CDC42BPB: variants seen among roughly 807,000 people sequenced by gnomAD.
CDC42BPB encodes the protein serine/threonine-protein kinase MRCK beta.
CDC42BPB carries 37 observed loss-of-function variants against 214.9 expected under a neutral mutation model. The observed-to-expected ratio is 0.17, with a 90% CI of 0.13 to 0.23. The LOEUF is 0.23. Ranked by LOEUF, CDC42BPB falls within the 10% of genes least tolerant of loss-of-function variation. The pLI is 1.00. For synonymous variants in CDC42BPB, 931 were observed against 884.0 expected, an observed-to-expected ratio of 1.05 and a Z score of -0.94; for missense variants, 1,694 against 2,227.0, an observed-to-expected ratio of 0.76 and a Z score of 4.82.
chr14:102,945,187 G>A, intron 29 of CDC42BPB: 1 of 454,452 alleles, frequency 2.2e-6, no homozygotes, highest in Non-Finnish European at 4.4e-6. Context: ...AAATGTCGCT[G>A]GATTCCTTGA....
At position 102,963,165 on chromosome 14, in the gene CDC42BPB, A is replaced by G; in HGVS notation, c.2727-10T>C. On this transcript the variant is annotated splice_polypyrimidine_tract_variant and intron_variant, in intron 19 of 36. Coordinates refer to ENST00000361246, the MANE Select transcript of CDC42BPB (RefSeq NM_006035.4). ...GGAATCCTTTAGTTTGCTAAAATAA[A>G]AAATAAATGGCTTTAAGTGCACTGA... The G allele has an allele frequency of 6.3e-7, 1 of 1,583,262 alleles. No individual in the cohort carries two copies. Among genetic ancestry groups the G allele is most frequent in the African/African-American group, 1.3e-5 (1 of 74,214 alleles).
At chr14:102,945,048 C>T (rs573022325) in intron 29 of CDC42BPB, 87 of 324,474 alleles carry the variant, frequency 2.7e-4, no homozygotes, top group Admixed American at 8.3e-4. Flanking sequence ...CCAAGCCCCT[C>T]GCTTGCTCAG....
At chr14:103,040,546 C>T (rs575814194) in intron 1 of CDC42BPB, among the ~76,000 whole-genome samples, 12 of 152,070 alleles carry the variant, frequency 7.9e-5, no homozygotes, top group African/African-American at 2.7e-4. Flanking sequence ...GCAACCTCTG[C>T]CTCCCGGGTT....
intron 1 of CDC42BPB, among the ~76,000 whole-genome samples, chr14:103,046,027 G>A (rs551784753): frequency 6.6e-5 from 10 of 152,272 alleles, no homozygotes; most frequent in Admixed American, 5.9e-4. Flanking sequence ...CAGAAAACCA[G>A]AACTTAACTG....
At position 102,975,711 on chromosome 14, in the gene CDC42BPB, T is replaced by C. The variant is rs768057349; in HGVS notation, c.1480A>G (p.Ile494Val). The change falls in exon 11 of 37, where the codon ATC becomes GTC. Residue 494 changes from isoleucine to valine, a missense_variant. Physicochemically the swap from Ile to Val is conservative, Grantham distance 29 (BLOSUM62 3). Transcript: ENST00000361246. ...GCTATTTTATTCTTCAAGCGTTCGATTTCTTCATTTAGCTTTTTGATTTCT... is the reference window on the plus strand; with the variant it reads ...GCTATTTTATTCTTCAAGCGTTCGACTTCTTCATTTAGCTTTTTGATTTCT... ...DKEIKKLNEE[I>V]ERLKNKIADS... 7 of 1,614,018 alleles carry C rather than the reference T, an allele frequency of 4.3e-6. No homozygotes were observed. The Admixed American group carries it at 8.3e-5, about 19-fold the overall frequency.
At chr14:102,935,514 G>A (rs1891609312) in intron 36 of CDC42BPB, among the ~76,000 whole-genome samples, 1 of 152,166 alleles carries the variant, frequency 6.6e-6, no homozygotes. Context: ...ACTAGGCCGG[G>A]TATAGTGCCT....
At chr14:103,036,667 G>A (rs951631360) in intron 1 of CDC42BPB, among the ~76,000 whole-genome samples, 2 of 152,150 alleles carry the variant, frequency 1.3e-5, no homozygotes, top group Admixed American at 6.5e-5. Context: ...AAATGCCACA[G>A]CTAAGCATGT....
In CDC42BPB at chr14:103,027,015, G is replaced by T. The variant is rs369668257; in HGVS notation, c.176-14827C>A. Among the ~76,000 whole-genome samples the T allele has an allele frequency of 4.6e-5, 7 of 152,230 alleles. No homozygotes were observed. In the East Asian group the frequency reaches 1.3e-3, roughly 29 times the overall value. On this transcript the variant is annotated intron_variant, in intron 1 of 36. Coordinates refer to ENST00000361246, the MANE Select transcript of CDC42BPB (RefSeq NM_006035.4). ...GACAAATATCCCAATTTAAAAATGG[G>T]CAAAGGATCTGAATCATCATTTCTC...
chr14:103,031,973 C>CTAT (rs199702937), intron 1 of CDC42BPB, among the ~76,000 whole-genome samples: 11 of 150,730 alleles, frequency 7.3e-5, no homozygotes, highest in South Asian at 2.1e-4. Context: ...GACCTGCCTT[C>CTAT]TATTATTATT....
intron 2 of CDC42BPB, among the ~76,000 whole-genome samples, chr14:103,010,585 G>C (rs1185486492): frequency 6.6e-6 from 1 of 152,204 alleles, no homozygotes. Flanking sequence ...TGTCCAGTAG[G>C]TTTGCTGTGG....
At chr14:103,047,257 C>A (rs540374763) in intron 1 of CDC42BPB, among the ~76,000 whole-genome samples, 1 of 136,308 alleles carries the variant, frequency 7.3e-6, no homozygotes, top group African/African-American at 2.9e-5. Context: ...GCACTCCAGC[C>A]AGGGCAACAG....
chr14:102,934,945 G>C (rs1233539926), intron 36 of CDC42BPB, among the ~76,000 whole-genome samples: 2 of 151,126 alleles, frequency 1.3e-5, no homozygotes, highest in African/African-American at 4.9e-5. Context: ...AGGAGGCGGA[G>C]CTTGCAGTGA....
intron 1 of CDC42BPB, among the ~76,000 whole-genome samples, chr14:103,029,952 A>G (rs1887274506): frequency 6.6e-6 from 1 of 152,048 alleles, no homozygotes; most frequent in Admixed American, 6.5e-5. Context: ...CAAAACAGCA[A>G]TAGCAATCCA....
At chr14:102,940,196 C>A in intron 31 of CDC42BPB, 31 bp downstream of exon 31, 4 of 1,611,824 alleles carry the variant, frequency 2.5e-6, no homozygotes, top group Non-Finnish European at 3.4e-6. Context: ...GAGAAGCCCG[C>A]CCGCACAGGA....
In CDC42BPB at chr14:103,057,126, G is replaced by A. The variant is rs757691424; in HGVS notation, c.48C>T (p.Asp16=). 9.3e-6 allele frequency: 14 copies of A among 1,513,212 alleles called. No homozygotes were observed. In the South Asian group the frequency reaches 1.2e-4, roughly 13 times the overall value. 93.7% of individuals were successfully genotyped at this position (1,513,212 alleles called of 1,614,324 possible). Residue 16 remains aspartate, a synonymous_variant, in exon 1 of 37, where the codon GAC becomes GAT. Coordinates refer to ENST00000361246, the MANE Select transcript of CDC42BPB (RefSeq NM_006035.4). ...RLKKLEQLLL[D]GPWRNESALS... is the part of the protein sequence containing the mutation. ...GGGCGCTCTCGTTGCGCCAGGGCCC[G>A]TCCAGGAGCAGCTGCTCCAGCTTCT... is the stretch of plus-strand genomic sequence containing the variant.
intron 19 of CDC42BPB, 50 bp downstream of exon 19, chr14:102,964,452 G>A: frequency 6.2e-7 from 1 of 1,600,352 alleles, no homozygotes. Context: ...GCGGGCTCGA[G>A]GCCACACAGC....
In CDC42BPB at chr14:103,004,360, A is replaced by G; in HGVS notation, c.352-337T>C. On this transcript the variant is annotated intron_variant, in intron 3 of 36. Transcript: ENST00000361246. This position sits in a 1 kb window ranked among gnomAD's most constrained non-coding sequence, Gnocchi z 5.3. ...CCTGGCACCTCCTGACTCCTCTACC[A>G]GATCAACCTCTGCCAAGTATCGATG... 4.1e-6 allele frequency: 1 copy of G among 246,596 alleles called. No homozygotes were observed. Among genetic ancestry groups the G allele is most frequent in the Non-Finnish European group, 7.6e-6 (1 of 131,452 alleles). 15.3% of individuals were successfully genotyped at this position (246,596 alleles called of 1,614,324 possible). A position where few individuals can be genotyped will look rare whatever the true frequency, so the allele number is the denominator to read the frequency against.
rs1373367735 is a variant in CDC42BPB, at chr14:102,964,604, G to A, written c.2624C>T (p.Ala875Val). ...VRRSQKLDMSARLELQSALEA... is the reference protein window; with the variant it reads ...VRRSQKLDMSVRLELQSALEA... ...CAGGGCCGACTGCAGCTCCAGCCGC[G>A]CGGACATGTCCAGCTTCTGGCTGCG... is the stretch of plus-strand genomic sequence containing the variant. The change falls in exon 19 of 37, where the codon GCG becomes GTG. Residue 875 changes from alanine (A) to valine (V), a missense_variant. This residue lies in a region of CDC42BPB where 55 missense variants were observed against 95.5 expected (regional missense o/e 0.58). Coordinates refer to ENST00000361246, the MANE Select transcript of CDC42BPB (RefSeq NM_006035.4). 3.1e-6 allele frequency: 5 copies of A among 1,613,784 alleles called. No individual in the cohort carries two copies. The highest frequency in any genetic ancestry group is 2.2e-5 in the South Asian group (2 of 91,060).
intron 1 of CDC42BPB, among the ~76,000 whole-genome samples, chr14:103,014,589 C>A (rs888571593): frequency 1.3e-5 from 2 of 152,120 alleles, no homozygotes; most frequent in Non-Finnish European, 2.9e-5. Context: ...TATTATTAAT[C>A]TGACTAATCC....
Sources: gnomAD v4.1 joint callset for allele counts (sites outside exome capture counted in the v4.1 genomes callset) on GRCh38, gnomAD v4.1.1 for gene constraint, gnomAD v4.1.1 regional missense constraint, Gnocchi (gnomAD v3.1) non-coding constraint, MANE v1.5 for transcripts, NCBI Gene and HGNC (gene_info 2026-07-23, HGNC 2026-07-21) for gene names.